Variants in AMBRA1 observed in about 807,000 individuals in gnomAD.
AMBRA1 encodes activating molecule in BECN1-regulated autophagy protein 1.
In AMBRA1, 47 loss-of-function variants were observed where a neutral mutation model predicts 125.4. The ratio of observed to expected loss-of-function variants is 0.37; its 90% confidence interval spans 0.30 to 0.48. The LOEUF (loss-of-function observed/expected upper bound fraction) is 0.48. Among genes scored for constraint, AMBRA1 ranks in the 20% least tolerant of loss-of-function variants. The probability of loss-of-function intolerance (pLI) is 0.99; values close to 1 mark genes in which losing one functional copy is unlikely to be tolerated. For missense variants in AMBRA1, 1,331 were observed against 1,693.4 expected (o/e 0.79, Z 3.76); for synonymous variants, 626 against 655.5 (o/e 0.95, Z 0.69).
At chr11:46,512,899 T>C (rs1951319332) in intron 7 of AMBRA1, 86 bp from the exon 8 acceptor site, 3 of 1,271,634 alleles carry the variant, frequency 2.4e-6, no homozygotes, top group Non-Finnish European at 2.2e-6. Flanking sequence ...GAGAGATATA[T>C]AACTTTCCCC....
intron 1 of AMBRA1, among the ~76,000 whole-genome samples, chr11:46,584,459 C>T (rs2044295902): frequency 1.3e-5 from 2 of 150,310 alleles, no homozygotes; most frequent in Non-Finnish European, 3.0e-5. Flanking sequence ...ACCAGCATGG[C>T]ACATGCATAC....
intron 1 of AMBRA1, among the ~76,000 whole-genome samples, chr11:46,559,939 T>C (rs2043277147): frequency 6.6e-6 from 1 of 152,160 alleles, no homozygotes. Context: ...GATTATTACT[T>C]TTCAAAGTAA....
At chr11:46,508,713 T>G (rs944796049) in intron 8 of AMBRA1, among the ~76,000 whole-genome samples, 1 of 152,226 alleles carries the variant, frequency 6.6e-6, no homozygotes, top group African/African-American at 2.4e-5. Context: ...AGAGCTGTGC[T>G]CATTCATAGC....
intron 11 of AMBRA1, among the ~76,000 whole-genome samples, chr11:46,459,169 C>T (rs1948985987): frequency 6.6e-6 from 1 of 152,114 alleles, no homozygotes; most frequent in Non-Finnish European, 1.5e-5. Context: ...CCTGGATATT[C>T]TGTATGATTC....
chr11:46,428,735 T>G, intron 14 of AMBRA1: 1 of 1,609,580 alleles, frequency 6.2e-7, no homozygotes, highest in Non-Finnish European at 8.5e-7. Flanking sequence ...AGCCTCGGCT[T>G]TCTTGTCGGC....
intron 11 of AMBRA1, among the ~76,000 whole-genome samples, chr11:46,478,648 C>CTTTTTTTTTTTTTTTTT (rs11449187): frequency 1.2e-5 from 1 of 82,168 alleles, no homozygotes; most frequent in Non-Finnish European, 2.1e-5. Context: ...TCTTTTTTCT[C>CTTTTTTTTTTTTTTTTT]TTTTTTTTTT....
In AMBRA1 at chr11:46,508,387, T is replaced by G. The variant is rs1179103099; in HGVS notation, c.2160-17A>C. 1 of 1,611,196 alleles carries G rather than the reference T, an allele frequency of 6.2e-7. No individual in the cohort carries two copies. The highest frequency in any genetic ancestry group is 8.5e-7 in the Non-Finnish European group (1 of 1,177,898). On this transcript the variant is annotated splice_polypyrimidine_tract_variant and intron_variant, in intron 8 of 17. Coordinates refer to ENST00000683756, the MANE Select transcript of AMBRA1 (RefSeq NM_001387011.1). ...GGAGATAATCTGAGAGAGACAGAGATGGACAAACACAAACTAGCACTAATG... is the reference window on the plus strand; with the variant it reads ...GGAGATAATCTGAGAGAGACAGAGAGGGACAAACACAAACTAGCACTAATG...
chr11:46,570,430 T>C (rs962225381), intron 1 of AMBRA1, among the ~76,000 whole-genome samples: 3 of 152,078 alleles, frequency 2.0e-5, no homozygotes, highest in Non-Finnish European at 2.9e-5. Flanking sequence ...CTCCCATGTA[T>C]AAGCTTCTCC....
At chr11:46,447,983 ATC>A (rs1367523261) in intron 11 of AMBRA1, among the ~76,000 whole-genome samples, 2 of 152,184 alleles carry the variant, frequency 1.3e-5, no homozygotes, top group Non-Finnish European at 2.9e-5. Flanking sequence ...ATCTACTCCA[ATC>A]TCTGTGTGTA....
chr11:46,422,863 G>T (rs956470741), intron 14 of AMBRA1, among the ~76,000 whole-genome samples: 6 of 152,192 alleles, frequency 3.9e-5, no homozygotes, highest in Admixed American at 1.3e-4. Flanking sequence ...GCAGTTGGCA[G>T]ATCTTCTTTA....
At position 46,508,251 on chromosome 11, in the gene AMBRA1, G is replaced by T; in HGVS notation, c.2279C>A (p.Ser760Tyr). ...TGATGGACCCTGGTTGTCTGAGGAA[G>T]AGGAGGAGGTGGAAGAACGGAGACG... Reference protein sequence around the residue: ...QNRLRSSTSSSSSDNQGPSVE... With the variant: ...QNRLRSSTSSYSSDNQGPSVE... The change falls in exon 9 of 18, where the codon TCT (serine) becomes TAT (tyrosine). Residue 760 changes from serine to tyrosine, a missense_variant. Transcript: ENST00000683756. The T allele has an allele frequency of 6.2e-7, 1 of 1,614,170 alleles. No individual in the cohort carries two copies. Among genetic ancestry groups the T allele is most frequent in the Non-Finnish European group, 8.5e-7 (1 of 1,179,968 alleles).
intron 11 of AMBRA1, among the ~76,000 whole-genome samples, chr11:46,489,745 A>G (rs1950398602): frequency 6.6e-6 from 1 of 152,216 alleles, no homozygotes; most frequent in Admixed American, 6.5e-5. Context: ...TTGTTCTTCC[A>G]GTAATTACCA....
In AMBRA1 at chr11:46,593,914, G is replaced by A. The variant is rs1250799616; in HGVS notation, c.-207C>T. On this transcript the variant is annotated 5_prime_UTR_variant, in exon 1 of 18. Coordinates refer to ENST00000683756, the MANE Select transcript of AMBRA1 (RefSeq NM_001387011.1). ...GAAAGAGGAGACAGGAATAAAGGAA[G>A]GGGTCCGTTCTACCGACCGGCAGGA... is the stretch of plus-strand genomic sequence containing the variant. The A allele has an allele frequency of 5.0e-6, 2 of 398,502 alleles. No individual in the cohort carries two copies. The highest frequency in any genetic ancestry group is 3.6e-5 in the East Asian group (1 of 28,082). The allele number at this position is 398,502 out of a possible 1,614,324, so 24.7% of individuals were successfully genotyped here. A position where few individuals can be genotyped will look rare whatever the true frequency, so the allele number is the denominator to read the frequency against.
At chr11:46,416,929 G>C (rs1946571133) in intron 15 of AMBRA1, among the ~76,000 whole-genome samples, 1 of 152,190 alleles carries the variant, frequency 6.6e-6, no homozygotes, top group African/African-American at 2.4e-5. Flanking sequence ...TGGATGCCTG[G>C]AGAAACTCTG....
chr11:46,488,194 G>A (rs919619181), intron 11 of AMBRA1, among the ~76,000 whole-genome samples: 3 of 152,126 alleles, frequency 2.0e-5, no homozygotes, highest in Non-Finnish European at 4.4e-5. Context: ...AGTGGCTCAC[G>A]CCTGTAACTC....
At chr11:46,513,268 C>CT (rs71451654) in intron 7 of AMBRA1, among the ~76,000 whole-genome samples, 6,949 of 122,328 alleles carry the variant, frequency 0.057, 192 homozygotes, top group Admixed American at 0.11. Context: ...GCTCTTTTTT[C>CT]TTTTTTTTTT....
At chr11:46,519,430 A>G (rs1307806726) in intron 7 of AMBRA1, among the ~76,000 whole-genome samples, 1 of 152,236 alleles carries the variant, frequency 6.6e-6, no homozygotes, top group Non-Finnish European at 1.5e-5. Flanking sequence ...CTAAAAAATT[A>G]TAACCTGAAG....
chr11:46,592,766 AAG>A (rs1365211641), intron 1 of AMBRA1, among the ~76,000 whole-genome samples: 2 of 151,810 alleles, frequency 1.3e-5, no homozygotes, highest in African/African-American at 4.9e-5. Context: ...AAAAAAAAAA[AAG>A]AAAAAAGAGA....
At chr11:46,506,964 G>C (rs1283504176) in intron 9 of AMBRA1, among the ~76,000 whole-genome samples, 1 of 147,068 alleles carries the variant, frequency 6.8e-6, no homozygotes, top group Non-Finnish European at 1.5e-5. Flanking sequence ...AAGAGATGGA[G>C]ACCATCCTGG....
Sources: gnomAD v4.1 joint callset for allele counts (sites outside exome capture counted in the v4.1 genomes callset) on GRCh38, gnomAD v4.1.1 for gene constraint, MANE v1.5 for transcripts, NCBI Gene and HGNC (gene_info 2026-07-23, HGNC 2026-07-21) for gene names.